KCNIP4: variants seen among roughly 807,000 people sequenced by gnomAD.
The protein encoded by KCNIP4 is potassium voltage-gated channel interacting protein 4.
KCNIP4 carries 12 observed loss-of-function variants against 34.0 expected under a neutral mutation model. The observed-to-expected ratio is 0.35, with a 90% CI of 0.23 to 0.57. The LOEUF is 0.57. Ranked by LOEUF, KCNIP4 falls within the 20% of genes least tolerant of loss-of-function variation. The pLI is 0.83. For missense variants in KCNIP4, 238 were observed against 311.7 expected, an observed-to-expected ratio of 0.76 and a Z score of 1.78; for synonymous variants, 124 against 102.2, an observed-to-expected ratio of 1.21 and a Z score of -1.29.
intron 1 of KCNIP4, among the ~76,000 whole-genome samples, chr4:21,145,509 T>C (rs375889934): frequency 2.6e-5 from 4 of 152,342 alleles, no homozygotes; most frequent in Admixed American, 1.3e-4. Flanking sequence ...CTAGCTCAAC[T>C]GCATGAAAAG....
chr4:21,822,013 T>C (rs1015638613), intron 1 of KCNIP4, among the ~76,000 whole-genome samples: 4 of 152,040 alleles, frequency 2.6e-5, no homozygotes, highest in Non-Finnish European at 5.9e-5. Context: ...AATAAAAAAC[T>C]GGTGCACAGA....
chr4:21,225,774 T>C (rs1398046458), intron 1 of KCNIP4, among the ~76,000 whole-genome samples: 1 of 152,106 alleles, frequency 6.6e-6, no homozygotes, highest in Non-Finnish European at 1.5e-5. Context: ...TGGGGAAAAC[T>C]GAATAATTTG....
intron 1 of KCNIP4, among the ~76,000 whole-genome samples, chr4:21,278,820 C>G (rs11935063): frequency 0.018 from 2,758 of 152,236 alleles, 95 homozygotes; most frequent in African/African-American, 0.063. Flanking sequence ...TATACAGAAA[C>G]TTTGGCAAAT....
chr4:20,957,677 T>C (rs937652666), intron 1 of KCNIP4, among the ~76,000 whole-genome samples: 4 of 152,178 alleles, frequency 2.6e-5, no homozygotes, highest in African/African-American at 9.7e-5. Flanking sequence ...AGCTGTGCTT[T>C]ATCTGCCATG....
chr4:21,437,334 A>G (rs1727032582), intron 1 of KCNIP4, among the ~76,000 whole-genome samples: 1 of 152,200 alleles, frequency 6.6e-6, no homozygotes, highest in Non-Finnish European at 1.5e-5. Context: ...AAAGCAAGGC[A>G]TACTTTCTTT....
chr4:21,103,582 T>C (rs910150555), intron 1 of KCNIP4, among the ~76,000 whole-genome samples: 2 of 150,374 alleles, frequency 1.3e-5, no homozygotes, highest in Admixed American at 1.3e-4. Flanking sequence ...TTTTACTTTA[T>C]TTTATTTTAT....
chr4:21,248,510 T>C (rs1760456984), intron 1 of KCNIP4, among the ~76,000 whole-genome samples: 1 of 152,186 alleles, frequency 6.6e-6, no homozygotes, highest in Non-Finnish European at 1.5e-5. Flanking sequence ...CCTTGATAAC[T>C]GGAGAATTTC....
intron 1 of KCNIP4, among the ~76,000 whole-genome samples, chr4:21,524,511 A>G (rs1735809063): frequency 6.6e-6 from 1 of 152,074 alleles, no homozygotes; most frequent in African/African-American, 2.4e-5. Context: ...GCTTCTTTCA[A>G]TTCTGTGAAT....
At chr4:21,525,184 T>C (rs181211986) in intron 1 of KCNIP4, among the ~76,000 whole-genome samples, 2 of 152,288 alleles carry the variant, frequency 1.3e-5, no homozygotes, top group East Asian at 3.9e-4. Flanking sequence ...TATAACCACA[T>C]GTAAATCACA....
At chr4:21,094,520 G>A (rs187496343) in intron 1 of KCNIP4, among the ~76,000 whole-genome samples, 80 of 152,280 alleles carry the variant, frequency 5.3e-4, no homozygotes, top group African/African-American at 1.8e-3. Context: ...CAGATTTAGA[G>A]TGAGAACATT....
At chr4:21,504,034 C>T (rs1733579078) in intron 1 of KCNIP4, among the ~76,000 whole-genome samples, 1 of 152,160 alleles carries the variant, frequency 6.6e-6, no homozygotes, top group African/African-American at 2.4e-5. Flanking sequence ...TTCCCATGCT[C>T]CAATTCCAAG....
intron 1 of KCNIP4, among the ~76,000 whole-genome samples, chr4:21,345,334 A>G (rs148940541): frequency 5.6e-4 from 86 of 152,260 alleles, no homozygotes; most frequent in Non-Finnish European, 1.0e-3. Flanking sequence ...TGCTGGCCCA[A>G]CCAACAGTTT....
At chr4:21,217,197 G>A (rs906697459) in intron 1 of KCNIP4, among the ~76,000 whole-genome samples, 4 of 152,130 alleles carry the variant, frequency 2.6e-5, no homozygotes, top group African/African-American at 4.8e-5. Flanking sequence ...TCAAAACACT[G>A]TATTACTTGA....
At chr4:21,405,779 C>T (rs1371343602) in intron 1 of KCNIP4, among the ~76,000 whole-genome samples, 1 of 152,200 alleles carries the variant, frequency 6.6e-6, no homozygotes, top group Non-Finnish European at 1.5e-5. Flanking sequence ...TGCTCTATCT[C>T]ATCATCAGGG....
At chr4:20,777,359 A>G (rs1756465525) in intron 3 of KCNIP4, among the ~76,000 whole-genome samples, 1 of 152,160 alleles carries the variant, frequency 6.6e-6, no homozygotes, top group Non-Finnish European at 1.5e-5. Context: ...CCCAGAACAC[A>G]TGGGGATTAT....
intron 1 of KCNIP4, among the ~76,000 whole-genome samples, chr4:21,619,376 G>A (rs918369052): frequency 4.6e-5 from 7 of 152,158 alleles, no homozygotes; most frequent in African/African-American, 1.7e-4. Context: ...TATTAAACAT[G>A]GTGGTACCAC....
chr4:20,804,454 G>C (rs942519831), intron 3 of KCNIP4, among the ~76,000 whole-genome samples: 4 of 152,114 alleles, frequency 2.6e-5, no homozygotes, highest in African/African-American at 9.7e-5. Flanking sequence ...AGAAAAGAAA[G>C]ATTACTTTCT....
At chr4:21,534,199 A>G (rs1016281270) in intron 1 of KCNIP4, among the ~76,000 whole-genome samples, 1 of 152,224 alleles carries the variant, frequency 6.6e-6, no homozygotes, top group Non-Finnish European at 1.5e-5. Context: ...TAAAGTACAC[A>G]TATATCAAAT....
chr4:21,189,679 A>T lies in KCNIP4; in HGVS notation c.62-306970T>A, dbSNP rs2109343927. On this transcript the variant is annotated intron_variant, in intron 1 of 8. Coordinates refer to ENST00000382152, the MANE Select transcript of KCNIP4 (RefSeq NM_025221.6). Reference sequence around the variant, plus strand: ...GGTCCTTCTGAAGTTCATTTAACTCAACTTTTCTATTCTCCTCAGTTAAAA... The same window carrying T: ...GGTCCTTCTGAAGTTCATTTAACTCTACTTTTCTATTCTCCTCAGTTAAAA... 2.0e-5 allele frequency among the ~76,000 whole-genome samples: 3 copies of T among 152,340 alleles called. 1 individual carries two copies. Among genetic ancestry groups the T allele is most frequent in the Non-Finnish European group, 4.4e-5 (3 of 68,022 alleles).
Sources: allele counts gnomAD v4.1 joint callset (sites outside exome capture counted in the v4.1 genomes callset), GRCh38; gene constraint gnomAD v4.1.1; transcripts MANE v1.5; gene names NCBI Gene and HGNC (gene_info 2026-07-23, HGNC 2026-07-21).